SDK1: variants seen among roughly 807,000 people sequenced by gnomAD.
SDK1 encodes the protein protein sidekick-1.
Under a neutral mutation model 245.5 loss-of-function variants are expected in SDK1, and 157 were observed. The ratio of observed to expected loss-of-function variants is 0.64; its 90% CI spans 0.56 to 0.73. SDK1 has a LOEUF of 0.73. SDK1 is among the 30% of genes least tolerant of loss of function. SDK1 has a pLI of 0.00. For missense variants in SDK1, 3,583 were observed against 3,002.3 expected (o/e 1.19, Z -4.52); for synonymous variants, 1,647 against 1,278.5 (o/e 1.29, Z -6.15).
At chr7:4,049,277 C>T (rs932301934) in intron 17 of SDK1, 71 bp from the exon 18 acceptor site, 1 of 1,181,790 alleles carries the variant, frequency 8.5e-7, no homozygotes, top group South Asian at 1.3e-5. Flanking sequence ...TAAGGGTTTC[C>T]TTTCTGTCTC....
At chr7:4,233,569 G>C (rs192057397) in intron 41 of SDK1, 150 bp downstream of exon 41, 670 of 720,930 alleles carry the variant, frequency 9.3e-4, no homozygotes, top group Non-Finnish European at 1.3e-3. Context: ...TTCTCCTGAA[G>C]GATGGGAGGG....
intron 1 of SDK1, among the ~76,000 whole-genome samples, chr7:3,556,017 A>G (rs1156943817): frequency 6.6e-6 from 1 of 152,200 alleles, no homozygotes. Flanking sequence ...GAGGTTTCTC[A>G]AAAAAGTAAA....
At chr7:3,772,397 A>G (rs1780429059) in intron 4 of SDK1, among the ~76,000 whole-genome samples, 1 of 151,996 alleles carries the variant, frequency 6.6e-6, no homozygotes, top group Non-Finnish European at 1.5e-5. Context: ...CTTCATTCCC[A>G]CTGTTTTCAG....
At chr7:3,539,083 A>G (rs961849505) in intron 1 of SDK1, among the ~76,000 whole-genome samples, 5 of 152,184 alleles carry the variant, frequency 3.3e-5, no homozygotes, top group African/African-American at 9.7e-5. Flanking sequence ...TGCAGACAAG[A>G]AGACCAAAAG....
At chr7:3,913,369 C>G (rs71527463) in intron 5 of SDK1, among the ~76,000 whole-genome samples, 65 of 151,210 alleles carry the variant, frequency 4.3e-4, no homozygotes, top group African/African-American at 1.5e-3. Flanking sequence ...TCTCGGCTCA[C>G]TGCAACCTCC....
Position 3,772,575 on chromosome 7 carries a change from A to G in SDK1, c.714-48875A>G, listed in dbSNP as rs961850049. Among the ~76,000 whole-genome samples, 3 of 152,358 alleles carry G rather than the reference A, an allele frequency of 2.0e-5. No homozygotes were observed. In the East Asian group the frequency reaches 5.8e-4, roughly 29 times the overall value. On this transcript the variant is annotated intron_variant, in intron 4 of 44. Coordinates refer to ENST00000404826, the MANE Select transcript of SDK1 (RefSeq NM_152744.4). ...AATTGCTTTTAAAAAAAGTATTAGC[A>G]TCTTAAATCATATAGAAAAAAGTGG...
rs1562476772 is a variant in SDK1, at chr7:4,245,814, CG to C, written c.6381+11del. 3.1e-6 allele frequency: 5 copies of C among 1,613,434 alleles called. No homozygotes were observed. In the South Asian group the frequency reaches 5.5e-5, roughly 18 times the overall value. On this transcript the variant is annotated intron_variant, in intron 44 of 44. Transcript: ENST00000404826. ...ATGCATCAGAATCTGAGGTCAGTGT[CG>C]GTGCCTACTTCCGGGCAGTGACCAT...
In SDK1 at chr7:3,638,443, A is replaced by C. The variant is rs886742818; in HGVS notation, c.459-561A>C. Among the ~76,000 whole-genome samples the C allele has an allele frequency of 3.9e-3, 586 of 152,030 alleles. 6 individuals are homozygous for C. Among genetic ancestry groups the C allele is most frequent in the Non-Finnish European group, 4.4e-3 (300 of 67,984 alleles). Reference sequence around the variant, plus strand: ...ATGTGGCACATATACACCATGGAATACTATGCAGCCATAAAAAATGATGAG... The same window carrying C: ...ATGTGGCACATATACACCATGGAATCCTATGCAGCCATAAAAAATGATGAG... On this transcript the variant is annotated intron_variant, in intron 2 of 44. Coordinates refer to ENST00000404826, the MANE Select transcript of SDK1 (RefSeq NM_152744.4).
chr7:4,140,780 C>T (rs187865415), intron 28 of SDK1, among the ~76,000 whole-genome samples: 314 of 152,222 alleles, frequency 2.1e-3, no homozygotes, highest in Non-Finnish European at 2.8e-3. Context: ...ATAGAGGCCC[C>T]TAATAAGCTG....
At chr7:4,018,119 C>A (rs1371857577) in intron 17 of SDK1, among the ~76,000 whole-genome samples, 3 of 152,222 alleles carry the variant, frequency 2.0e-5, no homozygotes, top group Non-Finnish European at 4.4e-5. Context: ...CCTACAGCAG[C>A]CCAAATCCTT....
intron 4 of SDK1, among the ~76,000 whole-genome samples, chr7:3,670,072 C>T (rs994962850): frequency 3.3e-5 from 5 of 152,172 alleles, no homozygotes; most frequent in Non-Finnish European, 5.9e-5. Context: ...GTGTGTCCAC[C>T]TCTGCCACCA....
intron 1 of SDK1, among the ~76,000 whole-genome samples, chr7:3,451,380 G>T (rs1177226063): frequency 1.3e-5 from 2 of 152,100 alleles, no homozygotes; most frequent in East Asian, 3.9e-4. Context: ...AGGGAAGAAT[G>T]CGAATAGCTG....
In SDK1 at chr7:3,552,078, G is replaced by A. The variant is rs961026995; in HGVS notation, c.299-67002G>A. ...TTTTGAGCCGGAGCCTCGCTCTGTC[G>A]CCCAGGCTGGAGTGCGGTGGCGCAA... On this transcript the variant is annotated intron_variant, in intron 1 of 44. Coordinates refer to ENST00000404826, the MANE Select transcript of SDK1 (RefSeq NM_152744.4). Among the ~76,000 whole-genome samples the A allele has an allele frequency of 8.6e-5, 13 of 151,014 alleles. No homozygotes were observed. In the East Asian group the frequency reaches 1.2e-3, roughly 14 times the overall value.
chr7:4,211,592 C>T (rs1205166091), intron 38 of SDK1, among the ~76,000 whole-genome samples: 2 of 152,030 alleles, frequency 1.3e-5, no homozygotes, highest in Non-Finnish European at 2.9e-5. Flanking sequence ...ACACCCTGCT[C>T]AGGTATTTGT....
At chr7:3,799,860 T>A (rs147884487) in intron 4 of SDK1, among the ~76,000 whole-genome samples, 5 of 152,304 alleles carry the variant, frequency 3.3e-5, no homozygotes, top group Non-Finnish European at 7.4e-5. Context: ...ACTAAATTAC[T>A]GTAAAGTGAA....
rs540873018 is a variant in SDK1, at chr7:3,857,636, A to G, written c.847+36053A>G. ...CAGAAGGTCAAGGCTGCAGTGATCT[A>G]TGATGGCACCACTGCACTCCAGCCT... is the stretch of plus-strand genomic sequence containing the variant. On this transcript the variant is annotated intron_variant, in intron 5 of 44. Coordinates refer to ENST00000404826, the MANE Select transcript of SDK1 (RefSeq NM_152744.4). Among the ~76,000 whole-genome samples, 239 of 151,916 alleles carry G rather than the reference A, an allele frequency of 1.6e-3. 1 individual carries two copies. The highest frequency in any genetic ancestry group is 0.014 in the South Asian group (65 of 4,790).
intron 1 of SDK1, among the ~76,000 whole-genome samples, chr7:3,342,380 G>T (rs1337558885): frequency 6.6e-6 from 1 of 152,090 alleles, no homozygotes; most frequent in Non-Finnish European, 1.5e-5. Flanking sequence ...CCTGAGGTCG[G>T]GAGTTTGAGA....
rs187813012 is a variant in SDK1 at position 3,384,861 on chromosome 7, G to A, written c.298+82977G>A. Among the ~76,000 whole-genome samples the A allele has an allele frequency of 5.1e-3, 780 of 152,218 alleles. 2 individuals are homozygous for A. Among genetic ancestry groups the A allele is most frequent in the Non-Finnish European group, 8.2e-3 (558 of 68,026 alleles). On this transcript the variant is annotated intron_variant, in intron 1 of 44. Coordinates refer to ENST00000404826, the MANE Select transcript of SDK1 (RefSeq NM_152744.4). ...TTTTATTTTACTTACTGCAGTACCC[G>A]TAGTATATAGCAGATAGTGAAATCA...
chr7:3,931,494 C>G (rs1779977514), intron 5 of SDK1, among the ~76,000 whole-genome samples: 1 of 152,150 alleles, frequency 6.6e-6, no homozygotes, highest in Non-Finnish European at 1.5e-5. Flanking sequence ...TTCAACGTCC[C>G]AAAACAATAA....
Sources: allele counts gnomAD v4.1 joint callset (sites outside exome capture counted in the v4.1 genomes callset), GRCh38; gene constraint gnomAD v4.1.1; transcripts MANE v1.5; gene names NCBI Gene and HGNC (gene_info 2026-07-23, HGNC 2026-07-21).